TECRL: variants seen among roughly 807,000 people sequenced by gnomAD.
TECRL encodes the protein trans-2,3-enoyl-CoA reductase-like.
Under a neutral mutation model 52.8 loss-of-function variants are expected in TECRL, and 63 were observed. That is an observed-to-expected ratio of 1.19 (90% CI 0.97 to 1.47). The LOEUF (loss-of-function observed/expected upper bound fraction) is 1.47. TECRL is among the 40% of genes most tolerant of loss of function. The pLI is 0.00. For synonymous variants in TECRL, 164 were observed against 141.9 expected, an observed-to-expected ratio of 1.16 and a Z score of -1.10; for missense variants, 482 against 429.6, an observed-to-expected ratio of 1.12 and a Z score of -1.08.
chr4:64,362,274 A>G (rs1185458665), intron 2 of TECRL, among the ~76,000 whole-genome samples: 2 of 152,120 alleles, frequency 1.3e-5, no homozygotes, highest in South Asian at 2.1e-4. Flanking sequence ...TGAAAAACAT[A>G]TTTGAGGATT....
At chr4:64,389,487 C>A (rs143666419) in intron 1 of TECRL, among the ~76,000 whole-genome samples, 324 of 152,026 alleles carry the variant, frequency 2.1e-3, no homozygotes, top group Admixed American at 4.6e-3. Flanking sequence ...GCAAAGGATA[C>A]TTCTTTTTAT....
intron 7 of TECRL, among the ~76,000 whole-genome samples, chr4:64,303,155 T>C (rs1181188763): frequency 1.3e-5 from 2 of 151,432 alleles, no homozygotes; most frequent in Non-Finnish European, 3.0e-5. Context: ...AATGGGAAAA[T>C]ATTCTATTAA....
At chr4:64,338,842 A>T (rs1232559061) in intron 2 of TECRL, among the ~76,000 whole-genome samples, 1 of 152,216 alleles carries the variant, frequency 6.6e-6, no homozygotes, top group Non-Finnish European at 1.5e-5. Flanking sequence ...GTAGGACTGT[A>T]AACTAGTTCA....
At chr4:64,358,334 TTAAA>T (rs1358411113) in intron 2 of TECRL, among the ~76,000 whole-genome samples, 5 of 151,868 alleles carry the variant, frequency 3.3e-5, no homozygotes, top group African/African-American at 9.7e-5. Flanking sequence ...AAAAATATTG[TTAAA>T]TAAATAAATA....
intron 2 of TECRL, among the ~76,000 whole-genome samples, chr4:64,349,643 T>G (rs1720239417): frequency 6.6e-6 from 1 of 152,180 alleles, no homozygotes; most frequent in Non-Finnish European, 1.5e-5. Context: ...ATATTAATAT[T>G]ACTTAGCATA....
chr4:64,388,982 G>T (rs992511157), intron 1 of TECRL, among the ~76,000 whole-genome samples: 1 of 151,760 alleles, frequency 6.6e-6, no homozygotes, highest in African/African-American at 2.4e-5. Flanking sequence ...AATTCCAGGG[G>T]TTCTTTCTGT....
chr4:64,373,934 T>C (rs1183716790), intron 2 of TECRL, among the ~76,000 whole-genome samples: 2 of 147,570 alleles, frequency 1.4e-5, no homozygotes, highest in Non-Finnish European at 3.0e-5. Context: ...CTATATACAC[T>C]ATATATATAC....
chr4:64,277,427 A>T (rs1438476594), downstream of TECRL, among the ~76,000 whole-genome samples: 1 of 151,952 alleles, frequency 6.6e-6, no homozygotes, highest in East Asian at 1.9e-4. Flanking sequence ...TCATTAAATG[A>T]TATCATACAA....
chr4:64,310,645 G>T (rs1230681784), intron 5 of TECRL, among the ~76,000 whole-genome samples: 1 of 152,052 alleles, frequency 6.6e-6, no homozygotes, highest in East Asian at 1.9e-4. Context: ...TACCTATTTT[G>T]TTACATATAA....
intron 2 of TECRL, among the ~76,000 whole-genome samples, chr4:64,370,216 A>T (rs1721886079): frequency 6.6e-6 from 1 of 151,948 alleles, no homozygotes; most frequent in African/African-American, 2.4e-5. Flanking sequence ...AGAAAATAAG[A>T]AATTTAACAA....
At chr4:64,397,955 G>A (rs1260857919) in intron 1 of TECRL, among the ~76,000 whole-genome samples, 1 of 151,508 alleles carries the variant, frequency 6.6e-6, no homozygotes, top group Non-Finnish European at 1.5e-5. Context: ...TAAAAAATGT[G>A]CCCAATGACT....
chr4:64,285,609 T>G (rs1723040461), intron 9 of TECRL, among the ~76,000 whole-genome samples: 1 of 151,968 alleles, frequency 6.6e-6, no homozygotes, highest in South Asian at 2.1e-4. Context: ...TGATAAAGAT[T>G]TTATGTAAAG....
At chr4:64,366,398 C>A (rs1721599872) in intron 2 of TECRL, among the ~76,000 whole-genome samples, 1 of 152,036 alleles carries the variant, frequency 6.6e-6, no homozygotes, top group African/African-American at 2.4e-5. Flanking sequence ...GCAACAAAAG[C>A]AATGATTAAC....
In TECRL at chr4:64,281,548, A is replaced by G; in HGVS notation, c.844T>C (p.Cys282Arg). The G allele has an allele frequency of 6.3e-7, 1 of 1,598,390 alleles. No individual in the cohort carries two copies. ...SHPNHTGNNA[C>R]FPSPNYNPFT... ...GGGTTATAATTTGGACTTGGGAAACAGGCATTGTTTCCTTTTTCAAAGGAA... is the reference window on the plus strand; with the variant it reads ...GGGTTATAATTTGGACTTGGGAAACGGGCATTGTTTCCTTTTTCAAAGGAA... Residue 282 changes from cysteine to arginine, a missense_variant, in exon 10 of 12, where the codon TGT (cysteine) becomes CGT (arginine). Transcript: ENST00000381210.
At chr4:64,357,054 A>G (rs1720826335) in intron 2 of TECRL, among the ~76,000 whole-genome samples, 1 of 152,198 alleles carries the variant, frequency 6.6e-6, no homozygotes, top group South Asian at 2.1e-4. Context: ...ATACATATAA[A>G]CTAGCACCCA....
intron 2 of TECRL, among the ~76,000 whole-genome samples, chr4:64,372,498 A>C (rs1443950191): frequency 2.0e-5 from 3 of 151,836 alleles, no homozygotes; most frequent in African/African-American, 7.2e-5. Context: ...GTAAACTAAG[A>C]GATTATTCTT....
chr4:64,407,906 C>T (rs1724834654), intron 1 of TECRL, among the ~76,000 whole-genome samples: 1 of 150,724 alleles, frequency 6.6e-6, no homozygotes, highest in African/African-American at 2.4e-5. Flanking sequence ...TATAGAAGTC[C>T]TGAAATAAAT....
intron 1 of TECRL, among the ~76,000 whole-genome samples, chr4:64,392,399 C>G (rs1337975874): frequency 6.6e-6 from 1 of 151,890 alleles, no homozygotes; most frequent in African/African-American, 2.4e-5. Flanking sequence ...GAGATACACA[C>G]AGCATATCCT....
chr4:64,288,238 C>T (rs1601138), intron 9 of TECRL, among the ~76,000 whole-genome samples: 101,792 of 151,868 alleles, frequency 0.67, 35,310 homozygotes, highest in Non-Finnish European at 0.76. Context: ...GCCCAAGAAC[C>T]GCTAATGAAC....
Sources: allele counts gnomAD v4.1 joint callset (sites outside exome capture counted in the v4.1 genomes callset), GRCh38; gene constraint gnomAD v4.1.1; transcripts MANE v1.5; gene names NCBI Gene and HGNC (gene_info 2026-07-23, HGNC 2026-07-21).